PSD3: variants seen among roughly 807,000 people sequenced by gnomAD.
PSD3 encodes the protein PH and SEC7 domain-containing protein 3.
A neutral mutation model predicts 105.5 loss-of-function variants in PSD3; 49 were observed. That is an observed-to-expected ratio of 0.46 (90% CI 0.37 to 0.59). PSD3 has a LOEUF of 0.59. Ranked by LOEUF, PSD3 falls within the 20% of genes least tolerant of loss-of-function variation. The pLI is 0.00. For synonymous variants in PSD3, 557 were observed against 457.8 expected, an observed-to-expected ratio of 1.22 and a Z score of -2.77; for missense variants, 1,561 against 1,263.8, an observed-to-expected ratio of 1.24 and a Z score of -3.57.
chr8:18,895,234 C>T (rs1297105406), intron 2 of PSD3, among the ~76,000 whole-genome samples: 1 of 152,178 alleles, frequency 6.6e-6, no homozygotes, highest in African/African-American at 2.4e-5. Context: ...TCAACAATTC[C>T]CAACTGTCTG....
intron 1 of PSD3, among the ~76,000 whole-genome samples, chr8:19,069,788 T>G: frequency 6.6e-6 from 1 of 152,144 alleles, no homozygotes; most frequent in East Asian, 1.9e-4. Context: ...GACTCTAAAC[T>G]AAGGTTGTCA....
At chr8:18,930,735 AT>A (rs1036912714) in intron 2 of PSD3, among the ~76,000 whole-genome samples, 4 of 151,290 alleles carry the variant, frequency 2.6e-5, no homozygotes, top group Non-Finnish European at 5.9e-5. Context: ...ACACCTAGCT[AT>A]TTTTTTTATT....
chr8:18,944,405 T>C (rs1822733852), intron 1 of PSD3, among the ~76,000 whole-genome samples: 1 of 152,012 alleles, frequency 6.6e-6, no homozygotes, highest in African/African-American at 2.4e-5. Context: ...CCCCCATCTC[T>C]AATAAAAATA....
At chr8:19,018,641 G>A (rs548924007), upstream of PSD3, among the ~76,000 whole-genome samples, 2 of 152,332 alleles carry the variant, frequency 1.3e-5, no homozygotes, top group Admixed American at 1.3e-4. Context: ...AGAACATCTT[G>A]CAAAAGGTAG....
chr8:18,618,266 G>A (rs1355068267), intron 11 of PSD3, among the ~76,000 whole-genome samples: 1 of 151,458 alleles, frequency 6.6e-6, no homozygotes, highest in East Asian at 1.9e-4. Context: ...ATCAATGCAT[G>A]CCTTATATGT....
intron 2 of PSD3, among the ~76,000 whole-genome samples, chr8:18,877,956 G>T (rs1817844845): frequency 6.6e-6 from 1 of 152,028 alleles, no homozygotes; most frequent in African/African-American, 2.4e-5. Flanking sequence ...AGGTTGTTTT[G>T]GTCACTCTTG....
At chr8:18,979,787 A>G (rs1257227615) in intron 1 of PSD3, 1 of 155,596 alleles carries the variant, frequency 6.4e-6, no homozygotes, top group Non-Finnish European at 1.4e-5. Context: ...GAAAGAAAAG[A>G]ACAAATAAAA....
At chr8:18,973,850 A>G (rs1824786145) in intron 1 of PSD3, among the ~76,000 whole-genome samples, 1 of 152,170 alleles carries the variant, frequency 6.6e-6, no homozygotes, top group Non-Finnish European at 1.5e-5. Flanking sequence ...CTTACTATGA[A>G]CCAAACTTTG....
At chr8:18,811,073 G>C (rs1376363526) in intron 4 of PSD3, among the ~76,000 whole-genome samples, 2 of 152,202 alleles carry the variant, frequency 1.3e-5, no homozygotes, top group Non-Finnish European at 2.9e-5. Context: ...TAAATGAGAA[G>C]TTATTCAGAA....
chr8:18,703,933 C>T (rs1042702976), intron 9 of PSD3, among the ~76,000 whole-genome samples: 8 of 151,754 alleles, frequency 5.3e-5, no homozygotes, highest in African/African-American at 1.7e-4. Flanking sequence ...TGATTTGGTC[C>T]TAAAATTGTG....
intron 1 of PSD3, among the ~76,000 whole-genome samples, chr8:18,978,002 G>A (rs78185499): frequency 0.011 from 1,704 of 152,222 alleles, 28 homozygotes; most frequent in African/African-American, 0.038. Context: ...GAACCCATAC[G>A]TTCGATATCA....
intron 1 of PSD3, among the ~76,000 whole-genome samples, chr8:18,972,587 TC>T (rs376097803): frequency 1.3e-5 from 2 of 152,278 alleles, no homozygotes; most frequent in African/African-American, 4.8e-5. Flanking sequence ...AAAACCCTAA[TC>T]CCAGTATGAT....
intron 1 of PSD3, among the ~76,000 whole-genome samples, chr8:18,984,559 CTATT>C (rs1825403439): frequency 6.6e-6 from 1 of 152,084 alleles, no homozygotes; most frequent in Non-Finnish European, 1.5e-5. Flanking sequence ...ATCAAAGAAA[CTATT>C]TGAGCATTTG....
intron 2 of PSD3, among the ~76,000 whole-genome samples, chr8:18,893,610 T>A (rs1818953066): frequency 6.6e-6 from 1 of 152,146 alleles, no homozygotes; most frequent in African/African-American, 2.4e-5. Context: ...AGGGTATCGG[T>A]GGGCTAGAGG....
rs190635916 is a variant in PSD3, at chr8:18,948,233, A to G, written c.22-12091T>C. On this transcript the variant is annotated intron_variant, in intron 1 of 15. Coordinates refer to ENST00000327040, the MANE Select transcript of PSD3 (RefSeq NM_015310.4). ...GATAATGTTTAAAATTCACAAATGA[A>G]GCAGATAGTATAAATATTTGCATTT... is the stretch of plus-strand genomic sequence containing the variant. Among the ~76,000 whole-genome samples, 3 of 152,350 alleles carry G rather than the reference A, an allele frequency of 2.0e-5. No homozygotes were observed. In the East Asian group the frequency reaches 5.8e-4, roughly 29 times the overall value.
At position 18,695,116 on chromosome 8, in the gene PSD3, G is replaced by A. The variant is rs566145145; in HGVS notation, c.2173-39431C>T. On this transcript the variant is annotated intron_variant, in intron 9 of 15. Transcript: ENST00000327040. ...GGATCCTTAGCCTTCTAGACTTTTA[G>A]ACTAAAGATCCCTAGCAGAGGGAGA... 1.6e-3 allele frequency among the ~76,000 whole-genome samples: 239 copies of A among 152,266 alleles called. 1 individual carries two copies. Among genetic ancestry groups the A allele is most frequent in the African/African-American group, 5.5e-3 (230 of 41,554 alleles).
At chr8:18,721,903 T>C (rs1287181640) in intron 9 of PSD3, among the ~76,000 whole-genome samples, 1 of 152,122 alleles carries the variant, frequency 6.6e-6, no homozygotes, top group African/African-American at 2.4e-5. Context: ...GCTGCACACA[T>C]ATTGTTCCCA....
At position 19,072,849 on chromosome 8, in the gene PSD3, C is replaced by G. The variant is rs537250612; in HGVS notation, c.324+11357G>C. Among the ~76,000 whole-genome samples the G allele has an allele frequency of 3.9e-5, 6 of 152,292 alleles. No homozygotes were observed. The South Asian group carries it at 1.2e-3, about 32-fold the overall frequency. On this transcript the variant is annotated intron_variant, in intron 1 of 1. Transcript: ENST00000521475. ...CTTATTTTCCATCTGGCTCTGAAGT[C>G]TGTACTGTGCTGAGTTCATGTGGAA...
At chr8:18,958,919 G>GTTTTT (rs71218911) in intron 1 of PSD3, among the ~76,000 whole-genome samples, 2 of 114,996 alleles carry the variant, frequency 1.7e-5, no homozygotes. Context: ...GTTAAGTGGT[G>GTTTTT]TTTTTTTTTT....
Sources: allele counts gnomAD v4.1 joint callset (sites outside exome capture counted in the v4.1 genomes callset), GRCh38; gene constraint gnomAD v4.1.1; transcripts MANE v1.5; gene names NCBI Gene and HGNC (gene_info 2026-07-23, HGNC 2026-07-21).